The following ICA1 variants were observed in gnomAD, a reference collection of about 807,000 sequenced individuals.
ICA1 encodes islet cell autoantigen 1.
ICA1 carries 40 observed loss-of-function variants against 71.0 expected under a neutral mutation model. The observed-to-expected ratio is 0.56, with a 90% confidence interval of 0.44 to 0.73. The LOEUF (loss-of-function observed/expected upper bound fraction) is 0.73. Among genes scored for constraint, ICA1 ranks in the 30% least tolerant of loss-of-function variants. The pLI, the probability that ICA1 is intolerant of heterozygous loss-of-function variation, is 0.00. For missense variants in ICA1, 578 were observed against 576.5 expected, an observed-to-expected ratio of 1.00 and a Z score of -0.03; for synonymous variants, 207 against 209.5, an observed-to-expected ratio of 0.99 and a Z score of 0.10.
chr7:8,238,664 G>A (rs915367724), intron 1 of ICA1, among the ~76,000 whole-genome samples: 1 of 152,034 alleles, frequency 6.6e-6, no homozygotes, highest in Non-Finnish European at 1.5e-5. Flanking sequence ...TTATTAAAAT[G>A]CCTTTTAATT....
chr7:8,250,908 ATTT>A (rs912168274), intron 1 of ICA1, among the ~76,000 whole-genome samples: 1 of 150,594 alleles, frequency 6.6e-6, no homozygotes, highest in African/African-American at 2.4e-5. Flanking sequence ...TATTAAAGAA[ATTT>A]TTTTTTTGAG....
At chr7:8,163,353 A>C (rs1804620567) in intron 6 of ICA1, among the ~76,000 whole-genome samples, 1 of 152,242 alleles carries the variant, frequency 6.6e-6, no homozygotes, top group Non-Finnish European at 1.5e-5. Context: ...TTTTTCTAAG[A>C]GTTTTATTAA....
At position 8,226,860 on chromosome 7, in the gene ICA1, A is replaced by G. The variant is rs1798744534; in HGVS notation, c.256+1741T>C. Among the ~76,000 whole-genome samples, 1 of 152,226 alleles carries G rather than the reference A, an allele frequency of 6.6e-6. No homozygotes were observed. Among genetic ancestry groups the G allele is most frequent in the Non-Finnish European group, 1.5e-5 (1 of 68,036 alleles). On this transcript the variant is annotated intron_variant, in intron 4 of 13. Transcript: ENST00000402384. The surrounding 1 kb of genome is among the most constrained non-coding windows in gnomAD (Gnocchi z 4.4). ...ATGGTGTTCAACTATAATTCTATTA[A>G]CTAATCTGAGGTGGTTTAGGGGGAA...
At position 8,226,075 on chromosome 7, in the gene ICA1, C is replaced by T. The variant is rs1032932122; in HGVS notation, c.256+2526G>A. ...TATTCATTTATAATGCAATCAGGTT[C>T]ATTTGCTACTGTTTGTATTCCATTT... On this transcript the variant is annotated intron_variant, in intron 4 of 13. Coordinates refer to ENST00000402384, the MANE Select transcript of ICA1 (RefSeq NM_001136020.3). The surrounding 1 kb of genome is among the most constrained non-coding windows in gnomAD (Gnocchi z 4.4). Among the ~76,000 whole-genome samples, 2 of 151,982 alleles carry T rather than the reference C, an allele frequency of 1.3e-5. No homozygotes were observed. Among genetic ancestry groups the T allele is most frequent in the African/African-American group, 4.8e-5 (2 of 41,374 alleles).
At chr7:8,158,402 G>T (rs1802495091) in intron 7 of ICA1, 125 bp downstream of exon 7, 2 of 1,191,404 alleles carry the variant, frequency 1.7e-6, no homozygotes, top group African/African-American at 3.0e-5. Flanking sequence ...TGTGGGAAGT[G>T]AAATTACGGA....
chr7:8,231,342 C>T (rs1239237686), intron 3 of ICA1, among the ~76,000 whole-genome samples: 1 of 151,972 alleles, frequency 6.6e-6, no homozygotes, highest in Non-Finnish European at 1.5e-5. Flanking sequence ...GGGTCAGGAG[C>T]TTTGCTATGT....
rs544212083 is a variant in ICA1 at position 8,126,201 on chromosome 7, A to G, written c.1330+1672T>C. On this transcript the variant is annotated intron_variant, in intron 13 of 13. Coordinates refer to ENST00000402384, the MANE Select transcript of ICA1 (RefSeq NM_001136020.3). ...GGTTAGTAGGGGCTCTTGTTTCCAA[A>G]GCTGAGGATCTGAGTGGGGTTCGTT... Among the ~76,000 whole-genome samples the G allele has an allele frequency of 2.0e-5, 3 of 152,188 alleles. No homozygotes were observed. In the East Asian group the frequency reaches 5.8e-4, roughly 29 times the overall value.
At position 8,128,129 on chromosome 7, in the gene ICA1, T is replaced by C; in HGVS notation, c.1074A>G (p.Pro358=). 1 of 1,614,100 alleles carries C rather than the reference T, an allele frequency of 6.2e-7. No individual in the cohort carries two copies. Among genetic ancestry groups the C allele is most frequent in the East Asian group, 2.2e-5 (1 of 44,886 alleles). Reference sequence around the variant, plus strand: ...CTTCAGGTTCCGGGGTCCCTGCCACTGGTCCCAGGCAAGCTGATTGAAGTA... The same window carrying C: ...CTTCAGGTTCCGGGGTCCCTGCCACCGGTCCCAGGCAAGCTGATTGAAGTA... ...MKSEEGACLG[P]VAGTPEPEGA... Residue 358 remains proline, a synonymous_variant, in exon 13 of 14, where the codon CCA becomes CCG. Coordinates refer to ENST00000402384, the MANE Select transcript of ICA1 (RefSeq NM_001136020.3).
chr7:8,203,325 C>T (rs1790382787), intron 6 of ICA1, among the ~76,000 whole-genome samples: 1 of 152,022 alleles, frequency 6.6e-6, no homozygotes, highest in Admixed American at 6.6e-5. Flanking sequence ...GTAGGTAAAG[C>T]ATATTCTATT....
intron 6 of ICA1, among the ~76,000 whole-genome samples, chr7:8,164,135 T>C (rs1804949409): frequency 6.6e-6 from 1 of 151,618 alleles, no homozygotes; most frequent in South Asian, 2.1e-4. Flanking sequence ...TGAAACCCCG[T>C]CTCTACTAAA....
rs1175736753 is a variant in ICA1, at chr7:8,226,741, T to C, written c.256+1860A>G. Among the ~76,000 whole-genome samples the C allele has an allele frequency of 3.9e-5, 6 of 152,178 alleles. No individual in the cohort carries two copies. Among genetic ancestry groups the C allele is most frequent in the Non-Finnish European group, 8.8e-5 (6 of 68,030 alleles). On this transcript the variant is annotated intron_variant, in intron 4 of 13. Transcript: ENST00000402384. This position sits in a 1 kb window ranked among gnomAD's most constrained non-coding sequence, Gnocchi z 4.4. ...TAGACATAAAAGGGCTTATCTACCA[T>C]CCACAGCCAGCTCTGCTGGCACAAC...
chr7:8,136,214 G>T (rs1350813551), intron 12 of ICA1, among the ~76,000 whole-genome samples: 7 of 152,104 alleles, frequency 4.6e-5, no homozygotes, highest in Admixed American at 2.6e-4. Flanking sequence ...TCTGCTTTTT[G>T]ATAACATTGT....
At chr7:8,219,739 A>C (rs1796485227) in intron 5 of ICA1, among the ~76,000 whole-genome samples, 1 of 152,234 alleles carries the variant, frequency 6.6e-6, no homozygotes, top group Admixed American at 6.5e-5. Flanking sequence ...CTACCAAATA[A>C]GTCTGTAAAA....
rs765509427 is a variant in ICA1, at chr7:8,158,642, T to C, written c.590A>G (p.Gln197Arg). Residue 197 changes from glutamine to arginine, a missense_variant, in exon 7 of 14, where the codon CAA becomes CGA. Gln to Arg is a conservative substitution (Grantham distance 43). Transcript: ENST00000402384. The part of the protein sequence containing the change: ...QMEKFRKVQT[Q>R]VRLAKKNFDK... Reference sequence around the variant, plus strand: ...AAAGTTTTTTTTTGCAAGGCGCACTTGTGTTTGTACCTATGAAAATAAAGA... The same window carrying C: ...AAAGTTTTTTTTTGCAAGGCGCACTCGTGTTTGTACCTATGAAAATAAAGA... The C allele has an allele frequency of 3.1e-6, 5 of 1,614,062 alleles. No homozygotes were observed. Among genetic ancestry groups the C allele is most frequent in the Non-Finnish European group, 4.2e-6 (5 of 1,179,982 alleles).
At chr7:8,176,155 T>G (rs1780566241) in intron 6 of ICA1, among the ~76,000 whole-genome samples, 1 of 152,226 alleles carries the variant, frequency 6.6e-6, no homozygotes, top group Non-Finnish European at 1.5e-5. Context: ...ACACAAACTT[T>G]GCACCCAGGC....
intron 12 of ICA1, among the ~76,000 whole-genome samples, chr7:8,134,505 C>T (rs888168585): frequency 2.0e-5 from 3 of 152,272 alleles, no homozygotes; most frequent in East Asian, 1.9e-4. Context: ...CCTTCATCTG[C>T]GTGTGAAACA....
intron 6 of ICA1, among the ~76,000 whole-genome samples, chr7:8,215,321 G>C (rs1462667295): frequency 6.6e-6 from 1 of 152,080 alleles, no homozygotes; most frequent in Non-Finnish European, 1.5e-5. Context: ...TCTCAGCCAG[G>C]AATGCTGCTC....
chr7:8,152,467 C>T (rs1055111723), intron 8 of ICA1, among the ~76,000 whole-genome samples: 8 of 151,758 alleles, frequency 5.3e-5, no homozygotes, highest in Non-Finnish European at 7.4e-5. Flanking sequence ...CCACCACCAT[C>T]GCAACAACCA....
intron 6 of ICA1, among the ~76,000 whole-genome samples, chr7:8,189,030 C>A (rs1406713335): frequency 6.6e-6 from 1 of 152,176 alleles, no homozygotes; most frequent in Non-Finnish European, 1.5e-5. Context: ...AGTGAGCCCG[C>A]GAGCCAACCC....
Sources: allele counts gnomAD v4.1 joint callset (sites outside exome capture counted in the v4.1 genomes callset), GRCh38; gene constraint gnomAD v4.1.1; non-coding constraint Gnocchi (gnomAD v3.1); transcripts MANE v1.5; gene names NCBI Gene and HGNC (gene_info 2026-07-23, HGNC 2026-07-21).